The following PACS2 variants were observed in gnomAD, a reference collection of about 807,000 sequenced individuals.
PACS2 encodes phosphofurin acidic cluster sorting protein 2, also known as PACS1-like protein.
In PACS2, 36 loss-of-function variants were observed where a neutral mutation model predicts 113.0. The ratio of observed to expected loss-of-function variants is 0.32; its 90% CI spans 0.24 to 0.42. The LOEUF is 0.42. PACS2 is among the 10% of genes least tolerant of loss of function. The pLI is 1.00. For synonymous variants in PACS2, 589 were observed against 536.1 expected (o/e 1.10, Z -1.36); for missense variants, 1,015 against 1,239.5 (o/e 0.82, Z 2.72).
intron 1 of PACS2, among the ~76,000 whole-genome samples, chr14:105,316,003 G>T (rs762204232): frequency 3.9e-5 from 6 of 152,210 alleles, no homozygotes; most frequent in Non-Finnish European, 7.3e-5. Flanking sequence ...GCATTGAGTT[G>T]TTCCACCCCT....
intron 1 of PACS2, among the ~76,000 whole-genome samples, chr14:105,342,230 CTGTGTGTG>C (rs373390359): frequency 9.9e-4 from 139 of 140,338 alleles, no homozygotes; most frequent in East Asian, 6.5e-3. Flanking sequence ...AAGCTGCTGC[CTGTGTGTG>C]TGTGTGTGTG....
Position 105,367,295 on chromosome 14 carries a change from T to C in PACS2, c.506T>C (p.Ile169Thr). The C allele has an allele frequency of 6.2e-7, 1 of 1,613,240 alleles. No homozygotes were observed. The highest frequency in any genetic ancestry group is 8.5e-7 in the Non-Finnish European group (1 of 1,180,008). The change falls in exon 5 of 25, where the codon ATC (isoleucine) becomes ACC (threonine). Residue 169 changes from isoleucine to threonine, a missense_variant. Physicochemically the swap from Ile to Thr is moderately conservative, Grantham distance 89. Transcript: ENST00000447393. The part of the protein sequence containing the change: ...IKEAPVKAAE[I>T]WIASLSSQPI... ...GAGGCCCCCGTCAAGGCGGCCGAGA[T>C]CTGGATCGCCTCCCTGTCCAGCCAG...
Position 105,334,058 on chromosome 14 carries a change from C to T in PACS2, c.120-14435C>T, listed in dbSNP as rs1008919836. 5.9e-5 allele frequency among the ~76,000 whole-genome samples: 9 copies of T among 152,214 alleles called. 1 individual carries two copies. Among genetic ancestry groups the T allele is most frequent in the African/African-American group, 1.7e-4 (7 of 41,454 alleles). On this transcript the variant is annotated intron_variant, in intron 1 of 24. Transcript: ENST00000447393. ...CAGCCTGGGGGTGGTCGTGGGGTGTCGGGGGCCTGGGCCTGGATCCACGAT... is the reference window on the plus strand; with the variant it reads ...CAGCCTGGGGGTGGTCGTGGGGTGTTGGGGGCCTGGGCCTGGATCCACGAT...
intron 4 of PACS2, among the ~76,000 whole-genome samples, chr14:105,364,425 G>A (rs1390552196): frequency 7.8e-6 from 1 of 128,116 alleles, no homozygotes; most frequent in Non-Finnish European, 1.6e-5. Flanking sequence ...GCGGTGTCCC[G>A]GGTGCGCGGT....
At position 105,323,635 on chromosome 14, in the gene PACS2, G is replaced by T. The variant is rs1404797690; in HGVS notation, c.119+8598G>T. On this transcript the variant is annotated intron_variant, in intron 1 of 24. Transcript: ENST00000447393. The surrounding 1 kb of genome is among the most constrained non-coding windows in gnomAD (Gnocchi z 4.1). ...TGTATTTGGGAGAGCAGTGCTGCTG[G>T]AGTGGTGGACCACACTGGAGGTGGA... Among the ~76,000 whole-genome samples, 3 of 152,262 alleles carry T rather than the reference G, an allele frequency of 2.0e-5. No individual in the cohort carries two copies. The highest frequency in any genetic ancestry group is 2.0e-4 in the Admixed American group (3 of 15,288).
upstream of PACS2, among the ~76,000 whole-genome samples, chr14:105,310,312 T>C (rs587694931): frequency 3.2e-4 from 48 of 151,012 alleles, no homozygotes; most frequent in South Asian, 6.7e-3. Context: ...GGGCGGATCA[T>C]GAGGTCAGGA....
At chr14:105,352,623 G>A (rs1446347345) in intron 3 of PACS2, among the ~76,000 whole-genome samples, 156 bp downstream of exon 3, 1 of 93,828 alleles carries the variant, frequency 1.1e-5, no homozygotes, top group African/African-American at 4.3e-5. Flanking sequence ...AGACGGGCAC[G>A]CCTCATCACC....
chr14:105,369,431 C>T (rs1419226000), intron 7 of PACS2, among the ~76,000 whole-genome samples: 2 of 152,222 alleles, frequency 1.3e-5, no homozygotes, highest in African/African-American at 4.8e-5. Context: ...TGGCACGAGG[C>T]ACCCACGGGG....
intron 1 of PACS2, among the ~76,000 whole-genome samples, chr14:105,305,945 C>T (rs992608337): frequency 6.6e-5 from 10 of 152,384 alleles, no homozygotes; most frequent in South Asian, 2.1e-4. Flanking sequence ...CAGTGATCTC[C>T]GCTCTGGCTG....
In PACS2 at chr14:105,380,974, G is replaced by A. The variant is rs1555411842; in HGVS notation, c.1143G>A (p.Arg381=). 4 of 1,611,666 alleles carry A rather than the reference G, an allele frequency of 2.5e-6. No homozygotes were observed. In the South Asian group the frequency reaches 3.3e-5, roughly 13 times the overall value. The change falls in exon 12 of 25, where the codon AGG becomes AGA. Residue 381 remains arginine (R), a synonymous_variant. Transcript: ENST00000447393. ...DTVALGVPGP[R]EHPGQPEDSP... ...CTCAGCAGGGTGTGCCAGGCCCGAG[G>A]GAGCACCCTGGACAGCCTGAGGACA...
At chr14:105,380,712 G>A (rs2080961600) in intron 11 of PACS2, among the ~76,000 whole-genome samples, 1 of 151,978 alleles carries the variant, frequency 6.6e-6, no homozygotes. Flanking sequence ...AGGAGGTCCT[G>A]GGCCCAGGGC....
chr14:105,362,916 G>T (rs2060787083), intron 4 of PACS2, among the ~76,000 whole-genome samples: 1 of 152,140 alleles, frequency 6.6e-6, no homozygotes, highest in Admixed American at 6.5e-5. Flanking sequence ...TGGATGTCGT[G>T]TGAGCAGCCA....
chr14:105,391,140 C>T, intron 20 of PACS2, 67 bp from the exon 21 acceptor site: 6 of 1,287,398 alleles, frequency 4.7e-6, no homozygotes, highest in Middle Eastern at 1.8e-4. Flanking sequence ...GGCGGGAGCC[C>T]CACTGGGAGG....
At position 105,357,680 on chromosome 14, in the gene PACS2, G is replaced by A. The variant is rs191576167; in HGVS notation, c.423+2503G>A. ...GAGATTGCGGAGGCGGGACAGCCCC[G>A]AGGGCACAGACGGACACAGGTGGCA... is the stretch of plus-strand genomic sequence containing the variant. On this transcript the variant is annotated intron_variant, in intron 4 of 24. Transcript: ENST00000447393. This position sits in a 1 kb window ranked among gnomAD's most constrained non-coding sequence, Gnocchi z 5.1. Among the ~76,000 whole-genome samples, 5 of 152,308 alleles carry A rather than the reference G, an allele frequency of 3.3e-5. No individual in the cohort carries two copies. The highest frequency in any genetic ancestry group is 1.9e-4 in the East Asian group (1 of 5,172).
Position 105,355,276 on chromosome 14 carries a change from T to G in PACS2, c.423+99T>G. Reference sequence around the variant, plus strand: ...GAGATGTCTCTCCCGGGTCCAGATGTCCAGGGATCAGGTGAAAATGATGAG... The same window carrying G: ...GAGATGTCTCTCCCGGGTCCAGATGGCCAGGGATCAGGTGAAAATGATGAG... On this transcript the variant is annotated intron_variant, in intron 4 of 24. Transcript: ENST00000447393. The surrounding 1 kb of genome is among the most constrained non-coding windows in gnomAD (Gnocchi z 4.1). 2 of 1,373,154 alleles carry G rather than the reference T, an allele frequency of 1.5e-6. No homozygotes were observed. Among genetic ancestry groups the G allele is most frequent in the Non-Finnish European group, 9.9e-7 (1 of 1,014,564 alleles). 85.1% of individuals were successfully genotyped at this position (1,373,154 alleles called of 1,614,324 possible).
chr14:105,382,127 G>A, intron 13 of PACS2, 69 bp downstream of exon 13: 1 of 1,466,064 alleles, frequency 6.8e-7, no homozygotes. Context: ...ACCAGAGCAG[G>A]GCAAAAAGAG....
chr14:105,381,605 G>A (rs116760918), intron 12 of PACS2, among the ~76,000 whole-genome samples: 2,267 of 152,166 alleles, frequency 0.015, 63 homozygotes, highest in African/African-American at 0.052. Context: ...CTCTTGGCCC[G>A]GGCAGGGAGG....
chr14:105,363,625 T>G (rs2060814523), intron 4 of PACS2, among the ~76,000 whole-genome samples: 1 of 152,152 alleles, frequency 6.6e-6, no homozygotes, highest in Admixed American at 6.6e-5. Context: ...TCCCGGCCAC[T>G]CACTCTCTCC....
At chr14:105,302,083 G>A (rs587640190) in intron 1 of PACS2, among the ~76,000 whole-genome samples, 12 of 151,724 alleles carry the variant, frequency 7.9e-5, no homozygotes, top group African/African-American at 2.4e-4. Context: ...AGGTTGCAGT[G>A]AGCTGAGATC....
Sources: gnomAD v4.1 joint callset for allele counts (sites outside exome capture counted in the v4.1 genomes callset) on GRCh38, gnomAD v4.1.1 for gene constraint, Gnocchi (gnomAD v3.1) non-coding constraint, MANE v1.5 for transcripts, NCBI Gene and HGNC (gene_info 2026-07-23, HGNC 2026-07-21) for gene names.